The following DNAH7 variants were observed in gnomAD, a reference collection of about 807,000 sequenced individuals.
The protein encoded by DNAH7 is axonemal beta dynein heavy chain 7.
A neutral mutation model predicts 444.6 loss-of-function variants in DNAH7; 397 were observed. The observed-to-expected ratio is 0.89, with a 90% CI of 0.82 to 0.97. The LOEUF (loss-of-function observed/expected upper bound fraction) is 0.97, where lower values mean the gene tolerates loss of function less well. Among genes scored for constraint, DNAH7 ranks in the 50% least tolerant of loss-of-function variants. The pLI, the probability that DNAH7 is intolerant of heterozygous loss-of-function variation, is 0.00. For missense variants in DNAH7, 4,902 were observed against 4,800.8 expected, an observed-to-expected ratio of 1.02 and a Z score of -0.62; for synonymous variants, 1,636 against 1,624.4, an observed-to-expected ratio of 1.01 and a Z score of -0.17.
intron 21 of DNAH7, among the ~76,000 whole-genome samples, chr2:195,931,509 C>T (rs558505560): frequency 2.0e-5 from 3 of 151,802 alleles, no homozygotes; most frequent in South Asian, 4.2e-4. Flanking sequence ...TGCCTATGTC[C>T]TGAATGGTAT....
intron 19 of DNAH7, among the ~76,000 whole-genome samples, chr2:195,939,854 T>A (rs1439284821): frequency 3.3e-5 from 5 of 152,054 alleles, no homozygotes; most frequent in Admixed American, 3.3e-4. Context: ...GTTTTGTCAC[T>A]GCTCAAAGAA....
intron 63 of DNAH7, among the ~76,000 whole-genome samples, chr2:195,750,344 G>A (rs893340055): frequency 2.0e-5 from 3 of 152,096 alleles, no homozygotes; most frequent in African/African-American, 7.2e-5. Flanking sequence ...AGAAGCTTTT[G>A]GCAATGCTTA....
chr2:195,743,320 T>C lies in DNAH7; in HGVS notation c.11765-2451A>G, dbSNP rs182800230. On this transcript the variant is annotated intron_variant, in intron 63 of 64. Coordinates refer to ENST00000312428, the MANE Select transcript of DNAH7 (RefSeq NM_018897.3). ...CTTATCGTGGGACTTTACCTTGTGA[T>C]TGTGTGAGTCAATTCTCCTTAATAA... is the stretch of plus-strand genomic sequence containing the variant. 3.2e-3 allele frequency among the ~76,000 whole-genome samples: 494 copies of C among 152,362 alleles called. 4 individuals are homozygous for C. The highest frequency in any genetic ancestry group is 6.8e-3 in the Middle Eastern group (2 of 294).
At chr2:195,881,321 T>C (rs1701364218) in intron 36 of DNAH7, among the ~76,000 whole-genome samples, 1 of 152,210 alleles carries the variant, frequency 6.6e-6, no homozygotes, top group African/African-American at 2.4e-5. Flanking sequence ...CTCCACAGGC[T>C]GCATAAAGCT....
At position 196,019,214 on chromosome 2, in the gene DNAH7, G is replaced by A; in HGVS notation, c.825C>T (p.Asn275=). The A allele has an allele frequency of 6.5e-7, 1 of 1,529,482 alleles. No individual in the cohort carries two copies. The highest frequency in any genetic ancestry group is 8.9e-7 in the Non-Finnish European group (1 of 1,127,724). The allele number at this position is 1,529,482 out of a possible 1,614,324, so 94.7% of individuals were successfully genotyped here. Residue 275 remains asparagine, a synonymous_variant, in exon 9 of 65, where the codon AAC becomes AAT. Transcript: ENST00000312428. ...SYIRDHLNAM[N]PTMLAVLDLW... is the part of the protein sequence containing the mutation. Reference sequence around the variant, plus strand: ...AATCTAGTACAGCCAGCATTGTGGGGTTCATTGCATTCAAGTGATCCCTAA... The same window carrying A: ...AATCTAGTACAGCCAGCATTGTGGGATTCATTGCATTCAAGTGATCCCTAA...
At chr2:196,062,801 C>T (rs960374723) in intron 1 of DNAH7, among the ~76,000 whole-genome samples, 1 of 152,206 alleles carries the variant, frequency 6.6e-6, no homozygotes, top group African/African-American at 2.4e-5. Flanking sequence ...CATCAACATT[C>T]AAATAAAGAA....
intron 2 of DNAH7, 147 bp downstream of exon 2, chr2:196,057,907 A>T (rs1697906880): frequency 1.6e-6 from 1 of 610,142 alleles, no homozygotes; most frequent in Non-Finnish European, 2.6e-6. Flanking sequence ...TACCTCACAG[A>T]ATTCCTCCAT....
Position 195,777,842 on chromosome 2 carries a change from C to T in DNAH7, c.11022G>A (p.Lys3674=). The T allele has an allele frequency of 1.2e-6, 2 of 1,613,968 alleles. No individual in the cohort carries two copies. The highest frequency in any genetic ancestry group is 1.1e-5 in the South Asian group (1 of 91,050). ...NPELVENSDY[K]FDSSGIYFVP... ...CAAAATAGATGCCACTTGAGTCGAA[C>T]TTATAGTCTGAATTTTCAACTAATT... The change falls in exon 59 of 65, where the codon AAG becomes AAA. Residue 3674 remains lysine (K), a synonymous_variant. Coordinates refer to ENST00000312428, the MANE Select transcript of DNAH7 (RefSeq NM_018897.3).
chr2:195,951,716 T>C (rs1308697580), intron 19 of DNAH7, among the ~76,000 whole-genome samples: 1 of 152,226 alleles, frequency 6.6e-6, no homozygotes, highest in Non-Finnish European at 1.5e-5. Context: ...TGATCTTTGT[T>C]GGTTTAAAGT....
At chr2:196,062,409 A>G (rs1698179001) in intron 1 of DNAH7, among the ~76,000 whole-genome samples, 2 of 152,222 alleles carry the variant, frequency 1.3e-5, no homozygotes, top group Admixed American at 1.3e-4. Flanking sequence ...GGTATGTATT[A>G]CTGAGGAAAA....
intron 14 of DNAH7, 83 bp downstream of exon 14, chr2:195,986,983 A>T (rs759542287): frequency 1.3e-5 from 16 of 1,249,056 alleles, no homozygotes; most frequent in Non-Finnish European, 1.6e-5. Context: ...GCATTGCTTT[A>T]ATCAATTACT....
rs375394089 is a variant in DNAH7 at position 196,068,748 on chromosome 2, G to C, written c.-37C>G. ...CGCGCTGGCCTCACCGGTGCTTCTG[G>C]GTTGCTCCTGCCCGCGGAACCCCTA... On this transcript the variant is annotated 5_prime_UTR_variant, in exon 1 of 65. Coordinates refer to ENST00000312428, the MANE Select transcript of DNAH7 (RefSeq NM_018897.3). 2.4e-4 allele frequency: 372 copies of C among 1,549,578 alleles called. No individual in the cohort carries two copies. The African/African-American group carries it at 4.5e-3, about 19-fold the overall frequency.
intron 50 of DNAH7, 111 bp from the exon 51 acceptor site, chr2:195,817,074 T>C: frequency 3.9e-6 from 3 of 772,718 alleles, no homozygotes; most frequent in Middle Eastern, 3.8e-4. Flanking sequence ...AATGCATCAC[T>C]TTGTGACAAA....
intron 63 of DNAH7, among the ~76,000 whole-genome samples, chr2:195,749,023 G>T (rs949143445): frequency 1.3e-5 from 2 of 152,100 alleles, no homozygotes; most frequent in African/African-American, 4.8e-5. Flanking sequence ...CACAGCAAAA[G>T]AAACTACCAT....
chr2:195,797,746 A>C (rs1696231962), intron 55 of DNAH7, among the ~76,000 whole-genome samples: 3 of 152,186 alleles, frequency 2.0e-5, no homozygotes, highest in African/African-American at 7.2e-5. Flanking sequence ...ACTAGGATGA[A>C]CTTTATAAAT....
At chr2:195,804,673 G>A (rs1696624993) in intron 54 of DNAH7, among the ~76,000 whole-genome samples, 1 of 151,966 alleles carries the variant, frequency 6.6e-6, no homozygotes, top group Admixed American at 6.5e-5. Flanking sequence ...TGATGGCAGG[G>A]AGAGCACCTC....
intron 7 of DNAH7, among the ~76,000 whole-genome samples, chr2:196,025,489 T>C (rs1005629724): frequency 3.7e-4 from 57 of 152,232 alleles, no homozygotes; most frequent in African/African-American, 1.3e-3. Context: ...ATGCTTTGGC[T>C]TCAGAACTGC....
chr2:195,819,799 T>C (rs1697374563), intron 49 of DNAH7, among the ~76,000 whole-genome samples: 1 of 152,198 alleles, frequency 6.6e-6, no homozygotes, highest in Non-Finnish European at 1.5e-5. Flanking sequence ...GGCAACATTC[T>C]ACAGGGCAGA....
At chr2:195,772,220 C>A (rs534486746) in intron 60 of DNAH7, among the ~76,000 whole-genome samples, 1 of 152,290 alleles carries the variant, frequency 6.6e-6, no homozygotes, top group South Asian at 2.1e-4. Context: ...AAGCATTGCA[C>A]TGGTGGAGTG....
Sources: allele counts gnomAD v4.1 joint callset (sites outside exome capture counted in the v4.1 genomes callset), GRCh38; gene constraint gnomAD v4.1.1; transcripts MANE v1.5; gene names NCBI Gene and HGNC (gene_info 2026-07-23, HGNC 2026-07-21).